RNF185: variants seen among roughly 807,000 people sequenced by gnomAD.
RNF185 encodes ring finger protein 185, also known as E3 ubiquitin-protein ligase RNF185.
RNF185 carries 13 observed loss-of-function variants against 24.9 expected under a neutral mutation model. The ratio of observed to expected loss-of-function variants is 0.52; its 90% CI spans 0.34 to 0.83. The LOEUF is 0.83. Ranked by LOEUF, RNF185 falls within the 40% of genes least tolerant of loss-of-function variation. The pLI is 0.01. For synonymous variants in RNF185, 79 were observed against 90.3 expected, an observed-to-expected ratio of 0.88 and a Z score of 0.71; for missense variants, 184 against 244.7, an observed-to-expected ratio of 0.75 and a Z score of 1.65.
chr22:31,177,004 G>A (rs1449002557), intron 1 of RNF185, among the ~76,000 whole-genome samples: 1 of 152,150 alleles, frequency 6.6e-6, no homozygotes, highest in Non-Finnish European at 1.5e-5. Flanking sequence ...GTACCCTATA[G>A]GGTATGTGAG....
chr22:31,204,047 G>GAAA (rs34570885), intron 6 of RNF185, among the ~76,000 whole-genome samples: 40 of 112,052 alleles, frequency 3.6e-4, no homozygotes, highest in East Asian at 3.5e-3. Context: ...ACCTCAAAAA[G>GAAA]AAAAAAAAAA....
chr22:31,190,036 A>T (rs1227570115), intron 2 of RNF185, among the ~76,000 whole-genome samples: 1 of 152,244 alleles, frequency 6.6e-6, no homozygotes, highest in African/African-American at 2.4e-5. Context: ...TAAGATGGAG[A>T]TGATGGTACT....
chr22:31,164,972 G>A (rs1323037845), intron 1 of RNF185, among the ~76,000 whole-genome samples: 1 of 151,610 alleles, frequency 6.6e-6, no homozygotes, highest in South Asian at 2.1e-4. Flanking sequence ...GTGCAGTGGC[G>A]CAATCTTGGC....
intron 2 of RNF185, 151 bp downstream of exon 2, chr22:31,187,421 C>G (rs965492195): frequency 6.1e-6 from 5 of 813,494 alleles, no homozygotes; most frequent in Non-Finnish European, 5.9e-6. Flanking sequence ...CCCAGCTCTG[C>G]TACCAATGAG....
intron 1 of RNF185, among the ~76,000 whole-genome samples, chr22:31,184,583 G>T (rs1398519748): frequency 2.0e-5 from 3 of 152,178 alleles, no homozygotes; most frequent in East Asian, 1.9e-4. Flanking sequence ...GGTGGAGGTT[G>T]TAGCGATCCG....
chr22:31,189,069 C>T (rs896948421), intron 2 of RNF185, among the ~76,000 whole-genome samples: 19 of 146,156 alleles, frequency 1.3e-4, no homozygotes, highest in Non-Finnish European at 2.4e-4. Flanking sequence ...GAGCTTGCAG[C>T]GAGCTGAGAT....
At chr22:31,200,339 A>C (rs2048248805) in intron 5 of RNF185, among the ~76,000 whole-genome samples, 1 of 152,234 alleles carries the variant, frequency 6.6e-6, no homozygotes. Flanking sequence ...GCTTGGTGAC[A>C]GAGCGAGACC....
chr22:31,161,761 A>G (rs1462684889), intron 1 of RNF185, among the ~76,000 whole-genome samples: 1 of 151,836 alleles, frequency 6.6e-6, no homozygotes, highest in African/African-American at 2.4e-5. Context: ...CTTCAGCAAT[A>G]TGTGTATAGA....
chr22:31,188,976 A>T (rs1360598437), intron 2 of RNF185, among the ~76,000 whole-genome samples: 1 of 148,230 alleles, frequency 6.7e-6, no homozygotes, highest in Admixed American at 6.7e-5. Flanking sequence ...AAAAAAAAAA[A>T]TTAGCCGGGT....
At chr22:31,185,887 T>C (rs1328230841) in intron 1 of RNF185, among the ~76,000 whole-genome samples, 2 of 152,136 alleles carry the variant, frequency 1.3e-5, no homozygotes, top group South Asian at 2.1e-4. Flanking sequence ...TAGTATGTAG[T>C]GGTACGGTGC....
At position 31,162,770 on chromosome 22, in the gene RNF185, T is replaced by C. The variant is rs574198022; in HGVS notation, c.-49+2467T>C. On this transcript the variant is annotated intron_variant, in intron 1 of 6. Transcript: ENST00000326132. The stretch of plus-strand genomic sequence containing the variant: ...GTGCTTTTTACATTTTTCTTTCTTT[T>C]TTTTTTTTTTTTAAGACGGAGTCTC... Among the ~76,000 whole-genome samples, 789 of 150,468 alleles carry C rather than the reference T, an allele frequency of 5.2e-3. 4 individuals are homozygous for C. The highest frequency in any genetic ancestry group is 0.01 in the Middle Eastern group (3 of 292).
chr22:31,182,357 G>C (rs1398308810), intron 1 of RNF185, among the ~76,000 whole-genome samples: 1 of 151,884 alleles, frequency 6.6e-6, no homozygotes, highest in Non-Finnish European at 1.5e-5. Context: ...GTATAATCTT[G>C]GCTCACTGCA....
chr22:31,201,494 A>C lies in RNF185; in HGVS notation c.364-4A>C. 2 of 1,608,564 alleles carry C rather than the reference A, an allele frequency of 1.2e-6. No homozygotes were observed. Among genetic ancestry groups the C allele is most frequent in the South Asian group, 2.2e-5 (2 of 90,932 alleles). On this transcript the variant is annotated splice_polypyrimidine_tract_variant and splice_region_variant and intron_variant, in intron 5 of 6. Coordinates refer to ENST00000326132, the MANE Select transcript of RNF185 (RefSeq NM_152267.4). ...CTGCCCTTAATTGCCTTTCTTCCAC[A>C]CAGGGATTTCAAGGATTTGGATTTG...
chr22:31,161,020 G>T (rs772718287), intron 1 of RNF185, among the ~76,000 whole-genome samples: 6 of 152,186 alleles, frequency 3.9e-5, no homozygotes, highest in Non-Finnish European at 7.3e-5. Context: ...AACTTTGAAA[G>T]AACTGGAATG....
chr22:31,171,749 A>T (rs958368099), intron 1 of RNF185, among the ~76,000 whole-genome samples: 2 of 152,122 alleles, frequency 1.3e-5, no homozygotes, highest in African/African-American at 4.8e-5. Context: ...CAAGCGGATC[A>T]CCTGAGGTCG....
intron 1 of RNF185, among the ~76,000 whole-genome samples, chr22:31,180,911 CTCTCTGTGTGTGTGTGTGTGTGTGTGTG>C (rs1174538482): frequency 8.0e-6 from 1 of 124,444 alleles, no homozygotes; most frequent in Non-Finnish European, 1.7e-5. Context: ...TTTTCTCTCT[CTCTCTGTGTGTGTGTGTGTGTGTGTGTG>C]TGTGTGTGTG....
chr22:31,171,212 C>T (rs1295829496), intron 1 of RNF185, among the ~76,000 whole-genome samples: 2 of 136,316 alleles, frequency 1.5e-5, no homozygotes, highest in African/African-American at 5.7e-5. Context: ...TTTTGTTGCC[C>T]AGGCTGGAGT....
intron 1 of RNF185, among the ~76,000 whole-genome samples, chr22:31,184,925 T>C (rs1602825853): frequency 1.0e-5 from 1 of 96,142 alleles, no homozygotes; most frequent in Non-Finnish European, 1.9e-5. Context: ...ACGAGGACCG[T>C]GCAAAGGGGA....
intron 1 of RNF185, among the ~76,000 whole-genome samples, chr22:31,184,897 AGACCGTGCAAAGGGGAGACGAG>A (rs1304876186): frequency 3.5e-4 from 46 of 132,156 alleles, no homozygotes; most frequent in Non-Finnish European, 6.1e-4. Context: ...CATCAGAGGG[AGACCGTGCAAAGGGGAGACGAG>A]GACCGTGCAA....
Sources: allele counts gnomAD v4.1 joint callset (sites outside exome capture counted in the v4.1 genomes callset), GRCh38; gene constraint gnomAD v4.1.1; transcripts MANE v1.5; gene names NCBI Gene and HGNC (gene_info 2026-07-23, HGNC 2026-07-21).